Variants in WSCD2 observed in about 807,000 individuals in gnomAD.
The protein encoded by WSCD2 is sialate:O-sulfotransferase 2.
WSCD2 carries 28 observed loss-of-function variants against 55.7 expected under a neutral mutation model. The observed-to-expected ratio is 0.50, with a 90% CI of 0.37 to 0.69. WSCD2 has a LOEUF of 0.69. Among genes scored for constraint, WSCD2 ranks in the 30% least tolerant of loss-of-function variants. The probability of loss-of-function intolerance (pLI) is 0.00; values close to 1 mark genes in which losing one functional copy is unlikely to be tolerated. For synonymous variants in WSCD2, 301 were observed against 301.9 expected (o/e 1.00, Z 0.03); for missense variants, 616 against 762.1 (o/e 0.81, Z 2.26).
At chr12:108,173,039 G>T (rs1286863197) in intron 1 of WSCD2, among the ~76,000 whole-genome samples, 2 of 151,874 alleles carry the variant, frequency 1.3e-5, no homozygotes, top group African/African-American at 4.8e-5. Flanking sequence ...GAGAAGACCA[G>T]GAATCGGGGC....
chr12:108,223,389 A>G (rs964000743), intron 4 of WSCD2, among the ~76,000 whole-genome samples: 1 of 152,160 alleles, frequency 6.6e-6, no homozygotes, highest in African/African-American at 2.4e-5. Flanking sequence ...CTCAGTTTTT[A>G]TTTAACTTTG....
chr12:108,232,285 T>C (rs1027657394), intron 6 of WSCD2, among the ~76,000 whole-genome samples: 1 of 152,180 alleles, frequency 6.6e-6, no homozygotes, highest in African/African-American at 2.4e-5. Flanking sequence ...TGGATATTCC[T>C]GATTCTCTGG....
chr12:108,147,302 G>A (rs1482993285), intron 1 of WSCD2, among the ~76,000 whole-genome samples: 1 of 152,168 alleles, frequency 6.6e-6, no homozygotes, highest in Non-Finnish European at 1.5e-5. Flanking sequence ...GGGTCAGGCG[G>A]GGGTAGAGAG....
chr12:108,151,884 C>T (rs1878039440), intron 1 of WSCD2, among the ~76,000 whole-genome samples: 1 of 152,198 alleles, frequency 6.6e-6, no homozygotes, highest in Admixed American at 6.5e-5. Flanking sequence ...GTTTGCCTCC[C>T]CTGAGGTCAA....
At chr12:108,166,139 T>C (rs1347762095) in intron 1 of WSCD2, among the ~76,000 whole-genome samples, 3 of 152,226 alleles carry the variant, frequency 2.0e-5, no homozygotes, top group South Asian at 2.1e-4. Flanking sequence ...AGCCTCCTAG[T>C]TGGGAGTCAG....
intron 1 of WSCD2, among the ~76,000 whole-genome samples, chr12:108,184,785 A>T (rs1202823973): frequency 6.6e-6 from 1 of 152,252 alleles, no homozygotes; most frequent in Non-Finnish European, 1.5e-5. Context: ...GTCCAGGTCT[A>T]TGCGAGACAT....
intron 1 of WSCD2, among the ~76,000 whole-genome samples, chr12:108,185,104 C>T (rs989156292): frequency 3.9e-5 from 6 of 152,146 alleles, no homozygotes; most frequent in African/African-American, 1.4e-4. Flanking sequence ...GCTTTGAGGG[C>T]CACATTTCCC....
rs772078632 is a variant in WSCD2 at position 108,195,819 on chromosome 12, G to A, written c.-14G>A. The A allele has an allele frequency of 1.6e-5, 25 of 1,595,282 alleles. No homozygotes were observed. Among genetic ancestry groups the A allele is most frequent in the East Asian group, 1.1e-4 (5 of 44,760 alleles). ...CAGCCAAGCCCCAGAGAGCCAGTCCGGAATGATCCCACTATGGCCAAGCTC... is the reference window on the plus strand; with the variant it reads ...CAGCCAAGCCCCAGAGAGCCAGTCCAGAATGATCCCACTATGGCCAAGCTC... On this transcript the variant is annotated 5_prime_UTR_variant, in exon 2 of 9. Transcript: ENST00000547525.
intron 2 of WSCD2, among the ~76,000 whole-genome samples, chr12:108,202,144 T>G (rs113450958): frequency 2.7e-5 from 4 of 148,102 alleles, no homozygotes; most frequent in Non-Finnish European, 5.9e-5. Flanking sequence ...ACCACGCTAA[T>G]GAGCTCAGAA....
At chr12:108,181,200 G>A (rs762179402) in intron 1 of WSCD2, among the ~76,000 whole-genome samples, 1 of 152,098 alleles carries the variant, frequency 6.6e-6, no homozygotes, top group East Asian at 1.9e-4. Context: ...TCCAACCCTC[G>A]TGCCTTGCTC....
chr12:108,214,616 A>G (rs1886615347), intron 4 of WSCD2, among the ~76,000 whole-genome samples: 1 of 152,182 alleles, frequency 6.6e-6, no homozygotes, highest in African/African-American at 2.4e-5. Flanking sequence ...CATTTGCCTG[A>G]AAGATTCTTG....
At chr12:108,154,009 A>G (rs1012894990) in intron 1 of WSCD2, among the ~76,000 whole-genome samples, 2 of 152,192 alleles carry the variant, frequency 1.3e-5, no homozygotes, top group African/African-American at 4.8e-5. Flanking sequence ...TGTGATGCTC[A>G]ACACATGGCT....
chr12:108,150,892 C>T (rs1234064116), intron 1 of WSCD2, among the ~76,000 whole-genome samples: 1 of 152,098 alleles, frequency 6.6e-6, no homozygotes, highest in Non-Finnish European at 1.5e-5. Flanking sequence ...CAGGAGCCAG[C>T]CTCCTGGTGC....
chr12:108,187,494 C>T (rs1411870878), intron 1 of WSCD2, among the ~76,000 whole-genome samples: 4 of 152,188 alleles, frequency 2.6e-5, no homozygotes, highest in East Asian at 1.9e-4. Context: ...TTCCTGGGCT[C>T]GAAGCCTGTT....
At chr12:108,142,373 A>G (rs190009329) in intron 1 of WSCD2, among the ~76,000 whole-genome samples, 14 of 152,248 alleles carry the variant, frequency 9.2e-5, no homozygotes, top group African/African-American at 2.9e-4. Context: ...CTCTGAACAC[A>G]TGCTATTTCT....
intron 1 of WSCD2, among the ~76,000 whole-genome samples, chr12:108,145,006 C>T (rs1405048909): frequency 6.6e-6 from 1 of 152,214 alleles, no homozygotes; most frequent in Non-Finnish European, 1.5e-5. Context: ...TACATTTGCA[C>T]TGGCTGCATC....
intron 5 of WSCD2, 69 bp from the exon 6 acceptor site, chr12:108,226,921 C>T: frequency 1.3e-6 from 2 of 1,516,598 alleles, no homozygotes; most frequent in Non-Finnish European, 1.8e-6. Context: ...TCCTGTTCTC[C>T]ATTTGGAGTC....
At chr12:108,183,353 A>G (rs185543050) in intron 1 of WSCD2, among the ~76,000 whole-genome samples, 15 of 152,254 alleles carry the variant, frequency 9.9e-5, no homozygotes, top group Non-Finnish European at 2.1e-4. Context: ...TGTGTTATAA[A>G]TGGGTATGGC....
chr12:108,153,667 A>T (rs1305518852), intron 1 of WSCD2, among the ~76,000 whole-genome samples: 13 of 152,180 alleles, frequency 8.5e-5, no homozygotes. Flanking sequence ...CTGCAGTGCC[A>T]TGTTCTTTGG....
Sources: gnomAD v4.1 joint callset for allele counts (sites outside exome capture counted in the v4.1 genomes callset) on GRCh38, gnomAD v4.1.1 for gene constraint, MANE v1.5 for transcripts, NCBI Gene and HGNC (gene_info 2026-07-23, HGNC 2026-07-21) for gene names.